The following ANO2 variants were observed in gnomAD, a reference collection of about 807,000 sequenced individuals.
The protein encoded by ANO2 is anoctamin-2.
In ANO2, 101 loss-of-function variants were observed where a neutral mutation model predicts 124.2. That is an observed-to-expected ratio of 0.81 (90% CI 0.69 to 0.96). ANO2 has a LOEUF of 0.96. ANO2 is among the 40% of genes least tolerant of loss of function. The pLI is 0.00. For missense variants in ANO2, 1,293 were observed against 1,274.5 expected (o/e 1.01, Z -0.22); for synonymous variants, 486 against 482.5 (o/e 1.01, Z -0.09).
intron 16 of ANO2, among the ~76,000 whole-genome samples, chr12:5,628,693 C>T (rs572942085): frequency 3.3e-5 from 5 of 151,934 alleles, no homozygotes; most frequent in Non-Finnish European, 5.9e-5. Flanking sequence ...TGTGTGCGCG[C>T]GCGCACGCGT....
intron 10 of ANO2, among the ~76,000 whole-genome samples, chr12:5,771,392 T>A (rs995393627): frequency 6.6e-6 from 1 of 152,236 alleles, no homozygotes; most frequent in African/African-American, 2.4e-5. Context: ...ACAGTGTAGA[T>A]GATAATGTAG....
At chr12:5,771,919 T>G (rs1003883063) in intron 10 of ANO2, among the ~76,000 whole-genome samples, 1 of 152,182 alleles carries the variant, frequency 6.6e-6, no homozygotes, top group Non-Finnish European at 1.5e-5. Context: ...TATTTAAACA[T>G]CATCTGTTCA....
At position 5,880,521 on chromosome 12, in the gene ANO2, G is replaced by A. The variant is rs138210415; in HGVS notation, c.535-26380C>T. 3.5e-3 allele frequency among the ~76,000 whole-genome samples: 530 copies of A among 152,062 alleles called. 2 individuals carry two copies. Among genetic ancestry groups the A allele is most frequent in the Non-Finnish European group, 5.1e-3 (347 of 67,992 alleles). Reference sequence around the variant, plus strand: ...AAAGAACACATGAAAGAGAATAAGAGGAAGCCCATAGAGGCAGAGGAGATT... The same window carrying A: ...AAAGAACACATGAAAGAGAATAAGAAGAAGCCCATAGAGGCAGAGGAGATT... On this transcript the variant is annotated intron_variant, in intron 3 of 24. Coordinates refer to ENST00000682330, the MANE Select transcript of ANO2 (RefSeq NM_001364791.2).
intron 19 of ANO2, among the ~76,000 whole-genome samples, chr12:5,610,819 T>C (rs865855386): frequency 1.1e-4 from 12 of 110,832 alleles, no homozygotes; most frequent in South Asian, 2.9e-4. Context: ...GAGTTGTCCA[T>C]ACACACACAC....
chr12:5,940,818 T>C lies in ANO2; in HGVS notation c.22+4378A>G, dbSNP rs116482398. 7.1e-3 allele frequency among the ~76,000 whole-genome samples: 1,087 copies of C among 152,280 alleles called. 11 individuals are homozygous for C. Among genetic ancestry groups the C allele is most frequent in the African/African-American group, 0.024 (1,005 of 41,560 alleles). On this transcript the variant is annotated intron_variant, in intron 1 of 24. Coordinates refer to ENST00000682330, the MANE Select transcript of ANO2 (RefSeq NM_001364791.2). ...ACTTGTACTTGAAAGTTCATAGCAG[T>C]ATCATTTATAGTAACAAAAACTAGG...
At chr12:5,751,525 C>A (rs1951440379) in intron 10 of ANO2, among the ~76,000 whole-genome samples, 1 of 152,022 alleles carries the variant, frequency 6.6e-6, no homozygotes, top group Non-Finnish European at 1.5e-5. Context: ...GTTTTTATTT[C>A]TTTATTTTTA....
Position 5,799,547 on chromosome 12 carries a change from AGC to A in ANO2, c.1013_1014del (p.Arg338LeufsTer6). On this transcript the variant is annotated frameshift_variant, in exon 10 of 25. Transcript: ENST00000682330. LOFTEE classifies it high-confidence loss of function. ...DRKLLYQEWA[R>X]YGVFYKFQPI... ...GGTTGGAACTTATAGAACACTCCAT[AGC>A]GCGCCCATTCTTGATATAGCAGCTA... is the stretch of plus-strand genomic sequence containing the variant. 1 of 1,613,858 alleles carries A rather than the reference AGC, an allele frequency of 6.2e-7. No homozygotes were observed. Among genetic ancestry groups the A allele is most frequent in the Non-Finnish European group, 8.5e-7 (1 of 1,179,766 alleles).
intron 1 of ANO2, among the ~76,000 whole-genome samples, chr12:5,939,053 C>A (rs939892148): frequency 6.7e-6 from 1 of 150,046 alleles, no homozygotes; most frequent in Admixed American, 6.7e-5. Context: ...CCCGTCTCTA[C>A]TAAAAATACA....
intron 1 of ANO2, among the ~76,000 whole-genome samples, chr12:5,943,598 T>G (rs546104726): frequency 8.5e-5 from 13 of 152,142 alleles, no homozygotes; most frequent in South Asian, 4.2e-4. Context: ...AATCTCAGAA[T>G]TCACCACCAA....
intron 1 of ANO2, among the ~76,000 whole-genome samples, chr12:5,935,211 T>G (rs928821054): frequency 6.6e-6 from 1 of 152,214 alleles, no homozygotes; most frequent in African/African-American, 2.4e-5. Flanking sequence ...ATAGGCATAG[T>G]ACCTATCTTA....
At chr12:5,924,074 C>T (rs1941965266) in intron 1 of ANO2, among the ~76,000 whole-genome samples, 1 of 152,216 alleles carries the variant, frequency 6.6e-6, no homozygotes, top group Non-Finnish European at 1.5e-5. Context: ...TGCATTTTAA[C>T]CTCCAAGTGA....
chr12:5,783,135 C>T (rs1484627818), intron 10 of ANO2, among the ~76,000 whole-genome samples: 1 of 152,214 alleles, frequency 6.6e-6, no homozygotes, highest in Non-Finnish European at 1.5e-5. Context: ...GTGCTTAACT[C>T]ACCTAACACT....
intron 20 of ANO2, among the ~76,000 whole-genome samples, chr12:5,582,418 C>T (rs1401665882): frequency 6.6e-6 from 1 of 152,190 alleles, no homozygotes; most frequent in Non-Finnish European, 1.5e-5. Flanking sequence ...ATTTCTGCAT[C>T]AGTGATTTCC....
intron 3 of ANO2, among the ~76,000 whole-genome samples, chr12:5,891,651 T>C (rs1209226805): frequency 6.6e-6 from 1 of 152,166 alleles, no homozygotes; most frequent in Non-Finnish European, 1.5e-5. Flanking sequence ...CCTAAGACAG[T>C]AAAGACTGAG....
At chr12:5,653,048 C>T (rs183312600) in intron 14 of ANO2, among the ~76,000 whole-genome samples, 15 of 152,180 alleles carry the variant, frequency 9.9e-5, no homozygotes, top group Admixed American at 7.2e-4. Flanking sequence ...TCAGTCATAC[C>T]AATGTGAAAC....
intron 16 of ANO2, among the ~76,000 whole-genome samples, chr12:5,628,006 G>A (rs1945502326): frequency 6.6e-6 from 1 of 152,126 alleles, no homozygotes; most frequent in Non-Finnish European, 1.5e-5. Context: ...AGGCTGAGGT[G>A]GGAGGATCCC....
chr12:5,633,664 G>A lies in ANO2; in HGVS notation c.1816+1488C>T, dbSNP rs186878117. On this transcript the variant is annotated intron_variant, in intron 16 of 24. Transcript: ENST00000682330. ...ATCGTGCCCTGGATGTGCCCTGGAC[G>A]TAGAGCCCCGGCACCGGGCTCCCCT... Among the ~76,000 whole-genome samples the A allele has an allele frequency of 5.3e-5, 8 of 152,098 alleles. No individual in the cohort carries two copies. In the East Asian group the frequency reaches 9.7e-4, roughly 18 times the overall value.
At chr12:5,825,819 AG>A (rs1953938903) in intron 7 of ANO2, among the ~76,000 whole-genome samples, 1 of 152,238 alleles carries the variant, frequency 6.6e-6, no homozygotes, top group African/African-American at 2.4e-5. Flanking sequence ...AGCCCAATCC[AG>A]GCAGGAATAC....
At chr12:5,822,548 A>T (rs941363435) in intron 7 of ANO2, among the ~76,000 whole-genome samples, 1 of 152,232 alleles carries the variant, frequency 6.6e-6, no homozygotes, top group African/African-American at 2.4e-5. Context: ...ACCTGGCTAC[A>T]GCCACTGCTG....
Sources: allele counts gnomAD v4.1 joint callset (sites outside exome capture counted in the v4.1 genomes callset), GRCh38; gene constraint gnomAD v4.1.1; transcripts MANE v1.5; gene names NCBI Gene and HGNC (gene_info 2026-07-23, HGNC 2026-07-21).